The following PKD2L2 variants were observed in gnomAD, a reference collection of about 807,000 sequenced individuals.
PKD2L2 encodes the protein polycystin-2-like protein 2.
A neutral mutation model predicts 83.9 loss-of-function variants in PKD2L2; 67 were observed. That is an observed-to-expected ratio of 0.80 (90% CI 0.66 to 0.98). PKD2L2 has a LOEUF of 0.98. Ranked by LOEUF, PKD2L2 falls within the 50% of genes least tolerant of loss-of-function variation. The pLI is 0.00. For synonymous variants in PKD2L2, 223 were observed against 237.8 expected (o/e 0.94, Z 0.57); for missense variants, 632 against 717.2 (o/e 0.88, Z 1.36).
chr5:137,938,485 A>C (rs907915226), intron 14 of PKD2L2: 8 of 152,758 alleles, frequency 5.2e-5, no homozygotes, highest in African/African-American at 1.9e-4. Flanking sequence ...TGCATGATGG[A>C]TTCAAATAAA....
At chr5:137,913,167 G>A (rs966278547) in intron 8 of PKD2L2, among the ~76,000 whole-genome samples, 19 of 145,908 alleles carry the variant, frequency 1.3e-4, no homozygotes, top group Non-Finnish European at 2.2e-4. Context: ...GAGCCACCGC[G>A]CCCAGCCTTC....
At chr5:137,934,062 G>A (rs1034386900) in intron 12 of PKD2L2, among the ~76,000 whole-genome samples, 1 of 152,200 alleles carries the variant, frequency 6.6e-6, no homozygotes, top group Non-Finnish European at 1.5e-5. Context: ...TTTAAAAAGA[G>A]GGAGTTTGGT....
At chr5:137,889,544 T>A in intron 1 of PKD2L2, 22 bp downstream of exon 1, 2 of 1,532,072 alleles carry the variant, frequency 1.3e-6, no homozygotes, top group Non-Finnish European at 1.7e-6. Context: ...TCTTAAGGAG[T>A]GGGAGGGACA....
At chr5:137,913,994 A>G (rs929020267) in intron 8 of PKD2L2, among the ~76,000 whole-genome samples, 1 of 134,174 alleles carries the variant, frequency 7.5e-6, no homozygotes, top group Non-Finnish European at 1.5e-5. Context: ...CATTTTCTCA[A>G]GTAGCAGAGA....
chr5:137,936,875 A>C (rs1218438886), intron 14 of PKD2L2, among the ~76,000 whole-genome samples: 1 of 152,242 alleles, frequency 6.6e-6, no homozygotes, highest in Non-Finnish European at 1.5e-5. Flanking sequence ...AGTGCCTCTG[A>C]CAGGGACTCA....
chr5:137,891,421 C>T (rs945465523), intron 2 of PKD2L2, among the ~76,000 whole-genome samples: 25 of 150,804 alleles, frequency 1.7e-4, no homozygotes, highest in Non-Finnish European at 5.9e-5. Flanking sequence ...ACTGTGATTG[C>T]AACGACTGCA....
chr5:137,917,189 A>T (rs1758449606), intron 8 of PKD2L2, among the ~76,000 whole-genome samples: 1 of 136,138 alleles, frequency 7.3e-6, no homozygotes, highest in African/African-American at 2.8e-5. Context: ...TGAGATGGGA[A>T]TCTCACTCTG....
chr5:137,908,449 GGCATGGTGGCACGT>G (rs1757539097), intron 7 of PKD2L2, among the ~76,000 whole-genome samples: 1 of 151,996 alleles, frequency 6.6e-6, no homozygotes, highest in African/African-American at 2.4e-5. Context: ...ATACTAGCTG[GGCATGGTGGCACGT>G]GCCTGTAATC....
At chr5:137,929,479 T>TACAAAG in intron 12 of PKD2L2, among the ~76,000 whole-genome samples, 1 of 36,348 alleles carries the variant, frequency 2.8e-5, no homozygotes, top group East Asian at 8.5e-4. Flanking sequence ...AAAAAAGATA[T>TACAAAG]ACAAAGACAA....
chr5:137,938,791 G>A (rs1427644565), intron 14 of PKD2L2: 4 of 152,466 alleles, frequency 2.6e-5, no homozygotes, highest in African/African-American at 9.7e-5. Context: ...CTTATTAAAG[G>A]ATGTTGCAAA....
intron 8 of PKD2L2, among the ~76,000 whole-genome samples, chr5:137,921,362 G>GA (rs66968280): frequency 0.24 from 34,407 of 144,624 alleles, 4,431 homozygotes; most frequent in African/African-American, 0.31. Flanking sequence ...CTGTCTCAAA[G>GA]AAAAAAAAAA....
chr5:137,927,151 A>C (rs1366002961), intron 12 of PKD2L2, among the ~76,000 whole-genome samples: 1 of 152,234 alleles, frequency 6.6e-6, no homozygotes, highest in Non-Finnish European at 1.5e-5. Context: ...CTCTCCACCA[A>C]ATACTTATTA....
At chr5:137,891,792 T>TC (rs1342486440) in intron 2 of PKD2L2, among the ~76,000 whole-genome samples, 3 of 152,074 alleles carry the variant, frequency 2.0e-5, no homozygotes, top group Non-Finnish European at 2.9e-5. Flanking sequence ...CAAGCGATTC[T>TC]CCTGCCTCAG....
intron 4 of PKD2L2, among the ~76,000 whole-genome samples, chr5:137,895,872 A>G (rs1217915613): frequency 2.2e-5 from 3 of 138,332 alleles, no homozygotes; most frequent in Non-Finnish European, 3.1e-5. Flanking sequence ...TGTGAGACAC[A>G]GTCTCAAAAA....
chr5:137,892,424 C>T, intron 2 of PKD2L2, 56 bp from the exon 3 acceptor site: 1 of 970,122 alleles, frequency 1.0e-6, no homozygotes, highest in Non-Finnish European at 1.4e-6. Context: ...CATTTTTAAT[C>T]CTGATAAGCT....
intron 7 of PKD2L2, among the ~76,000 whole-genome samples, 163 bp from the exon 8 acceptor site, chr5:137,908,602 A>G (rs942755603): frequency 6.6e-6 from 1 of 152,040 alleles, no homozygotes; most frequent in Non-Finnish European, 1.5e-5. Context: ...AAAAAAAAAA[A>G]CAGAAGTTTG....
intron 9 of PKD2L2, among the ~76,000 whole-genome samples, chr5:137,922,771 T>C (rs1759030816): frequency 6.6e-6 from 1 of 152,068 alleles, no homozygotes; most frequent in South Asian, 2.1e-4. Context: ...TATGAACACA[T>C]AATTATTCAT....
chr5:137,891,330 G>A (rs1755964049), intron 2 of PKD2L2, among the ~76,000 whole-genome samples: 1 of 152,096 alleles, frequency 6.6e-6, no homozygotes, highest in Non-Finnish European at 1.5e-5. Flanking sequence ...GCCAGGTGTG[G>A]TGGCACACCC....
At chr5:137,912,265 C>T (rs1757899201) in intron 8 of PKD2L2, among the ~76,000 whole-genome samples, 1 of 152,174 alleles carries the variant, frequency 6.6e-6, no homozygotes, top group Non-Finnish European at 1.5e-5. Flanking sequence ...ATTTTACATT[C>T]CCACCAACAG....
Sources: gnomAD v4.1 joint callset for allele counts (sites outside exome capture counted in the v4.1 genomes callset) on GRCh38, gnomAD v4.1.1 for gene constraint, MANE v1.5 for transcripts, NCBI Gene and HGNC (gene_info 2026-07-23, HGNC 2026-07-21) for gene names.